The following TAFA5 variants were observed in gnomAD, a reference collection of about 807,000 sequenced individuals.
TAFA5 encodes chemokine-like protein TAFA-5.
A neutral mutation model predicts 15.3 loss-of-function variants in TAFA5; 6 were observed. That is an observed-to-expected ratio of 0.39 (90% CI 0.21 to 0.77). TAFA5 has a LOEUF of 0.77. Ranked by LOEUF, TAFA5 falls within the 30% of genes least tolerant of loss-of-function variation. TAFA5 has a pLI of 0.41. For missense variants in TAFA5, 161 were observed against 193.1 expected (o/e 0.83, Z 0.98); for synonymous variants, 103 against 80.7 (o/e 1.28, Z -1.48).
chr22:48,599,514 A>G (rs1924886778), intron 1 of TAFA5, among the ~76,000 whole-genome samples: 1 of 152,246 alleles, frequency 6.6e-6, no homozygotes, highest in African/African-American at 2.4e-5. Context: ...CAGACTCAGC[A>G]TGGCACAGAG....
chr22:48,574,771 G>C (rs1319462051), intron 1 of TAFA5, among the ~76,000 whole-genome samples: 1 of 152,200 alleles, frequency 6.6e-6, no homozygotes, highest in Non-Finnish European at 1.5e-5. Flanking sequence ...CACTGGTCTT[G>C]GTACTGGGCT....
chr22:48,491,352 T>C (rs1211992738), intron 1 of TAFA5, among the ~76,000 whole-genome samples: 1 of 152,056 alleles, frequency 6.6e-6, no homozygotes, highest in Non-Finnish European at 1.5e-5. Context: ...TTGAATGCAC[T>C]TCCTGGTGGC....
rs1440017039 is a variant in TAFA5 at position 48,631,627 on chromosome 22, G to A, written c.113-14970G>A. ...GCGTCACACCGGCCTCCCGAGCCCC[G>A]TGTTAACTGCAGAAGAAATTAGCCA... On this transcript the variant is annotated intron_variant, in intron 1 of 3. Transcript: ENST00000402357. Among the ~76,000 whole-genome samples the A allele has an allele frequency of 3.9e-5, 6 of 152,186 alleles. 1 individual carries two copies. In the East Asian group the frequency reaches 5.8e-4, roughly 15 times the overall value.
Position 48,573,147 on chromosome 22 carries a change from G to A in TAFA5, c.113-73450G>A, listed in dbSNP as rs570097210. ...GGTTTGGGGGAAGACACACCCACCC[G>A]GCACTGTGGAAGTGCAGCTCTTTGG... On this transcript the variant is annotated intron_variant, in intron 1 of 3. Coordinates refer to ENST00000402357, the MANE Select transcript of TAFA5 (RefSeq NM_001082967.3). Among the ~76,000 whole-genome samples the A allele has an allele frequency of 1.2e-4, 18 of 152,258 alleles. No homozygotes were observed. In the East Asian group the frequency reaches 2.9e-3, roughly 25 times the overall value.
intron 1 of TAFA5, among the ~76,000 whole-genome samples, chr22:48,522,548 G>A (rs993734532): frequency 7.9e-5 from 12 of 152,174 alleles, no homozygotes; most frequent in Admixed American, 3.9e-4. Context: ...GCTGCCTGGG[G>A]TGGGCGCGGG....
At chr22:48,723,525 A>G (rs1279577644) in intron 3 of TAFA5, among the ~76,000 whole-genome samples, 1 of 152,132 alleles carries the variant, frequency 6.6e-6, no homozygotes, top group Non-Finnish European at 1.5e-5. Context: ...TTTGGGCATG[A>G]TTGAACCACT....
At chr22:48,595,839 C>T (rs548721862) in intron 1 of TAFA5, among the ~76,000 whole-genome samples, 1 of 152,378 alleles carries the variant, frequency 6.6e-6, no homozygotes, top group Non-Finnish European at 1.5e-5. Flanking sequence ...ATTAAAACTT[C>T]TCATACATGG....
intron 1 of TAFA5, among the ~76,000 whole-genome samples, chr22:48,593,338 C>T (rs1290310342): frequency 1.3e-5 from 2 of 152,120 alleles, no homozygotes; most frequent in Non-Finnish European, 1.5e-5. Context: ...AGGCACGGGG[C>T]AGGGGAGGGA....
chr22:48,731,436 A>G (rs933436573), intron 3 of TAFA5, among the ~76,000 whole-genome samples: 3 of 152,248 alleles, frequency 2.0e-5, no homozygotes, highest in Admixed American at 6.5e-5. Context: ...GAAGACGCCC[A>G]CTGTGGGATT....
At chr22:48,601,069 T>C (rs1406941763) in intron 1 of TAFA5, among the ~76,000 whole-genome samples, 1 of 152,226 alleles carries the variant, frequency 6.6e-6, no homozygotes, top group Non-Finnish European at 1.5e-5. Context: ...ACAGAGAGAC[T>C]CACGTGTACA....
chr22:48,677,646 C>T (rs1397357952), intron 2 of TAFA5, among the ~76,000 whole-genome samples: 1 of 152,208 alleles, frequency 6.6e-6, no homozygotes, highest in African/African-American at 2.4e-5. Context: ...TCCCCGAGGC[C>T]TCCCACCCCT....
intron 2 of TAFA5, among the ~76,000 whole-genome samples, chr22:48,654,168 G>A (rs1315319382): frequency 6.6e-6 from 1 of 152,132 alleles, no homozygotes; most frequent in Non-Finnish European, 1.5e-5. Context: ...CTTTCATAAG[G>A]GAGGCTCTTT....
rs568647771 is a variant in TAFA5, at chr22:48,688,938, G to A, written c.263-18779G>A. ...ACCTGGGAGGTGGAGGTTGCAGTGA[G>A]CCAAAATCGCACCACTGCACTCCAG... is the stretch of plus-strand genomic sequence containing the variant. On this transcript the variant is annotated intron_variant, in intron 2 of 3. Coordinates refer to ENST00000402357, the MANE Select transcript of TAFA5 (RefSeq NM_001082967.3). 3.3e-4 allele frequency among the ~76,000 whole-genome samples: 49 copies of A among 147,384 alleles called. 1 individual carries two copies. The South Asian group carries it at 7.5e-3, about 23-fold the overall frequency.
At chr22:48,603,115 C>G (rs1925034941) in intron 1 of TAFA5, among the ~76,000 whole-genome samples, 1 of 152,204 alleles carries the variant, frequency 6.6e-6, no homozygotes. Flanking sequence ...GGCCAGGCCC[C>G]CCACGTCCAG....
At chr22:48,730,214 C>T (rs1168287180) in intron 3 of TAFA5, among the ~76,000 whole-genome samples, 1 of 152,120 alleles carries the variant, frequency 6.6e-6, no homozygotes, top group Non-Finnish European at 1.5e-5. Context: ...GAAACTTCAT[C>T]TCTACTAAAA....
intron 1 of TAFA5, among the ~76,000 whole-genome samples, chr22:48,605,583 C>T (rs1341275152): frequency 6.6e-6 from 1 of 152,142 alleles, no homozygotes; most frequent in African/African-American, 2.4e-5. Flanking sequence ...TTAATCCTAA[C>T]AGCCTAACTA....
intron 1 of TAFA5, among the ~76,000 whole-genome samples, chr22:48,611,918 CA>C (rs898871812): frequency 1.3e-5 from 2 of 152,188 alleles, no homozygotes; most frequent in African/African-American, 4.8e-5. Context: ...CTCTGGCTGC[CA>C]GGGGGCTGGG....
chr22:48,646,322 G>A (rs951748718), intron 1 of TAFA5, among the ~76,000 whole-genome samples: 2 of 152,230 alleles, frequency 1.3e-5, no homozygotes, highest in Non-Finnish European at 2.9e-5. Flanking sequence ...AGATGGGGCT[G>A]TGTTTAATTT....
intron 1 of TAFA5, among the ~76,000 whole-genome samples, chr22:48,634,017 GCACTGCCCC>G (rs113870807): frequency 0.032 from 4,905 of 152,250 alleles, 246 homozygotes; most frequent in African/African-American, 0.11. Flanking sequence ...TGTTGACGGT[GCACTGCCCC>G]CACTGCCCTC....
Sources: allele counts gnomAD v4.1 joint callset (sites outside exome capture counted in the v4.1 genomes callset), GRCh38; gene constraint gnomAD v4.1.1; transcripts MANE v1.5; gene names NCBI Gene and HGNC (gene_info 2026-07-23, HGNC 2026-07-21).